The following PCYT1B variants were observed in gnomAD, a reference collection of about 807,000 sequenced individuals.
PCYT1B encodes the protein phosphate cytidylyltransferase 1B, choline, also known as choline-phosphate cytidylyltransferase B.
In PCYT1B, 10 loss-of-function variants were observed where a neutral mutation model predicts 26.4. That is an observed-to-expected ratio of 0.38 (90% CI 0.23 to 0.64). The LOEUF is 0.64. Ranked by LOEUF, PCYT1B falls within the 30% of genes least tolerant of loss-of-function variation. PCYT1B has a pLI of 0.56. For missense variants in PCYT1B, 161 were observed against 292.7 expected (o/e 0.55, Z 3.28); for synonymous variants, 131 against 108.4 (o/e 1.21, Z -1.29).
intron 1 of PCYT1B, among the ~76,000 whole-genome samples, chrX:24,623,057 G>C (rs1454276027): frequency 9.0e-6 from 1 of 111,186 alleles, no homozygotes; most frequent in East Asian, 2.8e-4. Context: ...TATGATGCTA[G>C]GGGTTTGGAG....
chrX:24,622,775 A>T, intron 1 of PCYT1B, among the ~76,000 whole-genome samples: 1 of 112,138 alleles, frequency 8.9e-6, no homozygotes, highest in East Asian at 2.8e-4. Context: ...AAACTCAGTT[A>T]CCTTTTTGGC....
At chrX:24,623,294 C>T (rs1276865791) in intron 1 of PCYT1B, among the ~76,000 whole-genome samples, 1 of 106,287 alleles carries the variant, frequency 9.4e-6, no homozygotes, top group African/African-American at 3.4e-5. Flanking sequence ...GTGAAGATCA[C>T]AGAAGACAGA....
rs766625539 is a variant in PCYT1B, at chrX:24,558,997, CA to C, written c.*3295del. 2 of 111,982 alleles carry C rather than the reference CA, an allele frequency of 1.8e-5. No homozygotes were observed. Among genetic ancestry groups the C allele is most frequent in the South Asian group, 3.7e-4 (1 of 2,697 alleles). The allele number at this position is 111,982 out of a possible 1,213,427, so 9.2% of individuals were successfully genotyped here. On this transcript the variant is annotated 3_prime_UTR_variant, in exon 8 of 8. Transcript: ENST00000379144. Reference sequence around the variant, plus strand: ...AAGGAACCCTTCCCTCTTCACCTGTCAGGGGGTGAGTTAACACTTGAAAGGG... The same window carrying C: ...AAGGAACCCTTCCCTCTTCACCTGTCGGGGGTGAGTTAACACTTGAAAGGG...
At chrX:24,562,672 C>T (rs62585270) in intron 7 of PCYT1B, among the ~76,000 whole-genome samples, 167 bp from the exon 8 acceptor site, 2 of 110,521 alleles carry the variant, frequency 1.8e-5, no homozygotes, top group Admixed American at 9.6e-5. Flanking sequence ...AGTAAGGAAC[C>T]GAGTGATATT....
intron 1 of PCYT1B, among the ~76,000 whole-genome samples, chrX:24,620,972 C>G (rs938264978): frequency 1.8e-5 from 2 of 112,216 alleles, no homozygotes; most frequent in African/African-American, 6.5e-5. Flanking sequence ...CTTCACAACA[C>G]TCATTTAACA....
intron 1 of PCYT1B, among the ~76,000 whole-genome samples, chrX:24,661,979 C>A (rs1354578054): frequency 9.0e-6 from 1 of 111,287 alleles, no homozygotes; most frequent in African/African-American, 3.3e-5. Context: ...GCCTGGGCAA[C>A]ATGGTGAGAC....
chrX:24,630,491 T>C (rs1041225255), intron 1 of PCYT1B, among the ~76,000 whole-genome samples: 1 of 111,292 alleles, frequency 9.0e-6, no homozygotes, highest in Non-Finnish European at 1.9e-5. Flanking sequence ...GAGATGGGGT[T>C]TCACCGTGTC....
intron 1 of PCYT1B, among the ~76,000 whole-genome samples, chrX:24,620,891 C>T (rs1000671312): frequency 9.0e-6 from 1 of 111,680 alleles, no homozygotes; most frequent in Non-Finnish European, 1.9e-5. Context: ...GCATTAAAGC[C>T]GCTGCTTGCT....
Position 24,560,461 on chromosome X carries a change from G to C in PCYT1B, c.*1832C>G, listed in dbSNP as rs184839731. 1 of 111,903 alleles carries C rather than the reference G, an allele frequency of 8.9e-6. No homozygotes were observed. Among genetic ancestry groups the C allele is most frequent in the Admixed American group, 9.5e-5 (1 of 10,535 alleles). The allele number at this position is 111,903 out of a possible 1,213,427, so 9.2% of individuals were successfully genotyped here. On this transcript the variant is annotated 3_prime_UTR_variant, in exon 8 of 8. Transcript: ENST00000379144. ...AAGAGCAATATTCTGGGTGGCCCTT[G>C]ACTGCAAAAAGAAGTTTTCTTCTTC... is the stretch of plus-strand genomic sequence containing the variant.
At chrX:24,595,885 A>G (rs772592324) in intron 3 of PCYT1B, among the ~76,000 whole-genome samples, 425 of 86,031 alleles carry the variant, frequency 4.9e-3, no homozygotes, top group African/African-American at 0.02. Context: ...TGTCTCAAAG[A>G]AAAAAAAAAA....
At chrX:24,603,166 T>G (rs1029802206) in intron 3 of PCYT1B, among the ~76,000 whole-genome samples, 1 of 112,649 alleles carries the variant, frequency 8.9e-6, no homozygotes, top group African/African-American at 3.2e-5. Flanking sequence ...TTTTTCAAAA[T>G]TCTTTTAGAG....
intron 4 of PCYT1B, 43 bp from the exon 5 acceptor site, chrX:24,587,362 G>A: frequency 2.3e-6 from 2 of 884,503 alleles, no homozygotes; most frequent in Non-Finnish European, 3.3e-6. Context: ...TGGGATGGAT[G>A]TGCATGTCTG....
intron 1 of PCYT1B, among the ~76,000 whole-genome samples, chrX:24,622,618 T>C (rs867404835): frequency 2.7e-5 from 3 of 112,552 alleles, no homozygotes; most frequent in Non-Finnish European, 5.6e-5. Context: ...CTTAGTGCCA[T>C]GTATCCATCG....
At chrX:24,649,540 C>T (rs1332979147), upstream of PCYT1B, among the ~76,000 whole-genome samples, 2 of 111,946 alleles carry the variant, frequency 1.8e-5, no homozygotes, top group African/African-American at 3.2e-5. Flanking sequence ...GTATTCTTGG[C>T]CACTGAGCCA....
chrX:24,568,893 A>T (rs1923724427), intron 7 of PCYT1B, among the ~76,000 whole-genome samples: 1 of 111,452 alleles, frequency 9.0e-6, no homozygotes, highest in South Asian at 3.8e-4. Context: ...TCAGGTCAGG[A>T]GTTTGAGACC....
intron 1 of PCYT1B, among the ~76,000 whole-genome samples, chrX:24,664,319 G>A (rs886650184): frequency 2.7e-5 from 3 of 111,332 alleles, no homozygotes; most frequent in African/African-American, 9.8e-5. Context: ...CTTACCTAAC[G>A]CATACAGGTT....
At chrX:24,653,514 T>G (rs890431416) in intron 1 of PCYT1B, among the ~76,000 whole-genome samples, 17 of 111,739 alleles carry the variant, frequency 1.5e-4, no homozygotes, top group African/African-American at 5.5e-4. Flanking sequence ...GTGAAATAAC[T>G]CTGAACTGCA....
At chrX:24,668,083 T>A (rs1927163411) in intron 1 of PCYT1B, among the ~76,000 whole-genome samples, 1 of 112,315 alleles carries the variant, frequency 8.9e-6, no homozygotes, top group Non-Finnish European at 1.9e-5. Context: ...GAAATGCAAG[T>A]GCCATTCTTC....
intron 1 of PCYT1B, among the ~76,000 whole-genome samples, chrX:24,658,432 T>A (rs1458777552): frequency 7.3e-5 from 8 of 109,821 alleles, no homozygotes; most frequent in Non-Finnish European, 1.5e-4. Flanking sequence ...CTGAAATGGG[T>A]CTCAGTGGGC....
Sources: allele counts gnomAD v4.1 joint callset (sites outside exome capture counted in the v4.1 genomes callset), GRCh38; gene constraint gnomAD v4.1.1; transcripts MANE v1.5; gene names NCBI Gene and HGNC (gene_info 2026-07-23, HGNC 2026-07-21).